Variants in RBFOX1 observed in about 807,000 individuals in gnomAD.
The protein encoded by RBFOX1 is RNA binding protein fox-1 homolog 1.
In RBFOX1, 8 loss-of-function variants were observed where a neutral mutation model predicts 57.7. The observed-to-expected ratio is 0.14, with a 90% CI of 0.08 to 0.25. The LOEUF (loss-of-function observed/expected upper bound fraction) is 0.25, where lower values mean the gene tolerates loss of function less well. Among genes scored for constraint, RBFOX1 ranks in the 10% least tolerant of loss-of-function variants. The pLI is 1.00. For synonymous variants in RBFOX1, 326 were observed against 222.4 expected, an observed-to-expected ratio of 1.47 and a Z score of -4.15; for missense variants, 611 against 548.5, an observed-to-expected ratio of 1.11 and a Z score of -1.14.
intron 3 of RBFOX1, among the ~76,000 whole-genome samples, chr16:6,903,179 G>T (rs750057716): frequency 9.2e-5 from 14 of 152,164 alleles, no homozygotes; most frequent in Non-Finnish European, 1.3e-4. Flanking sequence ...CAGATGGCAG[G>T]ACAGCCATAT....
chr16:5,886,828 C>T (rs1195170544), intron 4 of RBFOX1, among the ~76,000 whole-genome samples: 1 of 152,222 alleles, frequency 6.6e-6, no homozygotes, highest in Non-Finnish European at 1.5e-5. Flanking sequence ...GTGGAGGTTG[C>T]AGTGAGCCGA....
chr16:6,853,782 A>G (rs1375996900), intron 3 of RBFOX1, among the ~76,000 whole-genome samples: 1 of 152,052 alleles, frequency 6.6e-6, no homozygotes, highest in Non-Finnish European at 1.5e-5. Flanking sequence ...CTCTGACCTC[A>G]CTTGAAGAAA....
At position 5,750,236 on chromosome 16, in the gene RBFOX1, C is replaced by G. The variant is rs76339634; in HGVS notation, c.319-117067C>G. Among the ~76,000 whole-genome samples the G allele has an allele frequency of 6.8e-3, 1,039 of 152,292 alleles. 13 individuals carry two copies. Among genetic ancestry groups the G allele is most frequent in the African/African-American group, 0.021 (874 of 41,568 alleles). On this transcript the variant is annotated intron_variant, in intron 3 of 19. Coordinates refer to the RBFOX1 transcript ENST00000641259. Reference sequence around the variant, plus strand: ...GATCATTCCTTTGGAAGCTTCGTCTCAGAGGGGCACCCGACTGCATGAGAT... The same window carrying G: ...GATCATTCCTTTGGAAGCTTCGTCTGAGAGGGGCACCCGACTGCATGAGAT...
chr16:6,165,200 C>T lies in RBFOX1; in HGVS notation c.-127+145208C>T, dbSNP rs535606480. ...CCACCTGACAAGATTACCCTGTAGA[C>T]GGAACAAGATAATGTAAAATGATGA... On this transcript the variant is annotated intron_variant, in intron 1 of 15. Coordinates refer to ENST00000550418, the MANE Select transcript of RBFOX1 (RefSeq NM_018723.4). Among the ~76,000 whole-genome samples, 10 of 152,126 alleles carry T rather than the reference C, an allele frequency of 6.6e-5. No homozygotes were observed. In the East Asian group the frequency reaches 1.7e-3, roughly 26 times the overall value.
At chr16:5,933,359 A>G (rs2059105853) in intron 4 of RBFOX1, among the ~76,000 whole-genome samples, 1 of 152,190 alleles carries the variant, frequency 6.6e-6, no homozygotes, top group Admixed American at 6.5e-5. Flanking sequence ...AACTGAGGGC[A>G]GTGGGGGAGT....
At chr16:6,240,440 A>G (rs927118439) in intron 1 of RBFOX1, among the ~76,000 whole-genome samples, 2 of 152,086 alleles carry the variant, frequency 1.3e-5, no homozygotes, top group East Asian at 3.9e-4. Context: ...TAGTTGATGC[A>G]TGGTGAGGGA....
rs74629740 is a variant in RBFOX1 at position 5,568,580 on chromosome 16, G to A, written c.259-30322G>A. Among the ~76,000 whole-genome samples, 699 of 152,258 alleles carry A rather than the reference G, an allele frequency of 4.6e-3. 5 individuals are homozygous for A. The highest frequency in any genetic ancestry group is 0.016 in the African/African-American group (654 of 41,540). ...TAGGCACTCAGGGATGTGAGGATGC[G>A]TGACACTCATCACTCTGTCTTCTGT... On this transcript the variant is annotated intron_variant, in intron 2 of 2. Transcript: ENST00000585867.
chr16:7,065,971 C>G (rs77823123), intron 4 of RBFOX1, among the ~76,000 whole-genome samples: 1 of 152,026 alleles, frequency 6.6e-6, no homozygotes, highest in African/African-American at 2.4e-5. Context: ...AAACCCTATA[C>G]CCAGAGAATA....
chr16:6,925,387 C>T (rs948590482), intron 3 of RBFOX1, among the ~76,000 whole-genome samples: 8 of 151,768 alleles, frequency 5.3e-5, no homozygotes, highest in South Asian at 2.1e-4. Context: ...GGTCTCCGAA[C>T]GTGCCGGGAT....
intron 4 of RBFOX1, among the ~76,000 whole-genome samples, chr16:7,432,437 T>A (rs186731491): frequency 1.4e-3 from 211 of 152,332 alleles, no homozygotes; most frequent in African/African-American, 4.8e-3. Flanking sequence ...TTGTGCTTAC[T>A]GAGGCTGCTT....
intron 5 of RBFOX1, among the ~76,000 whole-genome samples, chr16:7,527,251 C>T (rs777595053): frequency 6.6e-5 from 10 of 152,252 alleles, no homozygotes; most frequent in East Asian, 1.9e-4. Flanking sequence ...TTCTCACTCC[C>T]ATGTATTCTC....
chr16:7,113,305 TC>T (rs1330589155), intron 4 of RBFOX1, among the ~76,000 whole-genome samples: 2 of 152,208 alleles, frequency 1.3e-5, no homozygotes, highest in African/African-American at 4.8e-5. Flanking sequence ...TAGTTTTTTA[TC>T]TTTTTTTGGA....
At chr16:7,069,733 C>T (rs2056930201) in intron 4 of RBFOX1, among the ~76,000 whole-genome samples, 1 of 152,114 alleles carries the variant, frequency 6.6e-6, no homozygotes, top group African/African-American at 2.4e-5. Flanking sequence ...TGTGTTCTGC[C>T]ATCTCCCAGA....
intron 4 of RBFOX1, among the ~76,000 whole-genome samples, chr16:7,500,591 T>C (rs2070423613): frequency 6.6e-6 from 1 of 152,198 alleles, no homozygotes; most frequent in Non-Finnish European, 1.5e-5. Flanking sequence ...GTTTGATGCA[T>C]TGGAAATACC....
At chr16:7,283,765 A>G (rs1206413683) in intron 4 of RBFOX1, among the ~76,000 whole-genome samples, 1 of 152,212 alleles carries the variant, frequency 6.6e-6, no homozygotes, top group Non-Finnish European at 1.5e-5. Flanking sequence ...ATGTCATCAG[A>G]TCATTGCATC....
chr16:5,573,124 G>T (rs1053439960), intron 2 of RBFOX1, among the ~76,000 whole-genome samples: 3 of 152,176 alleles, frequency 2.0e-5, no homozygotes, highest in Admixed American at 6.5e-5. Context: ...AGAATTGGGA[G>T]GTTCTGGTTC....
intron 3 of RBFOX1, among the ~76,000 whole-genome samples, chr16:6,842,466 G>A (rs2093530005): frequency 6.6e-6 from 1 of 151,976 alleles, no homozygotes; most frequent in Non-Finnish European, 1.5e-5. Context: ...ATACAAATAT[G>A]AATGTGTGTG....
At chr16:6,074,776 C>T (rs890051435) in intron 1 of RBFOX1, among the ~76,000 whole-genome samples, 8 of 152,040 alleles carry the variant, frequency 5.3e-5, no homozygotes, top group African/African-American at 1.9e-4. Flanking sequence ...GAAGCTCAAG[C>T]GTCAGGCCTC....
At chr16:6,795,655 A>G (rs1256493728) in intron 3 of RBFOX1, among the ~76,000 whole-genome samples, 2 of 151,984 alleles carry the variant, frequency 1.3e-5, no homozygotes, top group Admixed American at 6.6e-5. Context: ...AATCCCAGCT[A>G]CTTGGGAGGC....
Sources: allele counts gnomAD v4.1 joint callset (sites outside exome capture counted in the v4.1 genomes callset), GRCh38; gene constraint gnomAD v4.1.1; transcripts MANE v1.5; gene names NCBI Gene and HGNC (gene_info 2026-07-23, HGNC 2026-07-21).